Variants in CDK8 observed in about 807,000 individuals in gnomAD.
CDK8 encodes cyclin-dependent kinase 8.
In CDK8, 29 loss-of-function variants were observed where a neutral mutation model predicts 71.5. The ratio of observed to expected loss-of-function variants is 0.41; its 90% CI spans 0.30 to 0.55. CDK8 has a LOEUF of 0.55. CDK8 is among the 20% of genes least tolerant of loss of function. The pLI, the probability that CDK8 is intolerant of heterozygous loss-of-function variation, is 0.37. For synonymous variants in CDK8, 161 were observed against 192.1 expected, an observed-to-expected ratio of 0.84 and a Z score of 1.34; for missense variants, 288 against 572.6, an observed-to-expected ratio of 0.50 and a Z score of 5.07.
chr13:26,266,485 A>G (rs1031465101), intron 1 of CDK8, among the ~76,000 whole-genome samples: 3 of 152,202 alleles, frequency 2.0e-5, no homozygotes, highest in South Asian at 4.1e-4. Context: ...CTGGCTGTAC[A>G]GGGCAGCTTG....
rs115628047 is a variant in CDK8, at chr13:26,353,919, A to G, written c.456+39A>G. On this transcript the variant is annotated intron_variant, in intron 4 of 12. Coordinates refer to ENST00000381527, the MANE Select transcript of CDK8 (RefSeq NM_001260.3). Reference sequence around the variant, plus strand: ...TAATTGGTTTAAACTAGAAAGATGCATTACAGTTGGATACTTTTCTAGTCG... The same window carrying G: ...TAATTGGTTTAAACTAGAAAGATGCGTTACAGTTGGATACTTTTCTAGTCG... 1.4e-3 allele frequency: 2,242 copies of G among 1,577,752 alleles called. 20 individuals are homozygous for G. The African/African-American group carries it at 0.022, about 15-fold the overall frequency.
intron 9 of CDK8, among the ~76,000 whole-genome samples, chr13:26,398,930 C>T (rs1255805265): frequency 6.7e-6 from 1 of 149,608 alleles, no homozygotes; most frequent in Non-Finnish European, 1.5e-5. Context: ...TGCCACTGCA[C>T]TCTAGCCTGG....
chr13:26,390,183 G>A (rs1875682275), intron 6 of CDK8, among the ~76,000 whole-genome samples: 1 of 152,152 alleles, frequency 6.6e-6, no homozygotes, highest in African/African-American at 2.4e-5. Context: ...CCAGCATTTT[G>A]ACTTCCTTGT....
intron 9 of CDK8, 49 bp from the exon 10 acceptor site, chr13:26,400,404 A>G (rs1381351966): frequency 9.0e-7 from 1 of 1,108,532 alleles, no homozygotes; most frequent in Non-Finnish European, 1.4e-6. Flanking sequence ...GTGCTGAAAG[A>G]TAACTGTGAG....
chr13:26,357,316 G>A (rs1398788335), intron 4 of CDK8, among the ~76,000 whole-genome samples: 1 of 152,110 alleles, frequency 6.6e-6, no homozygotes, highest in East Asian at 1.9e-4. Flanking sequence ...TAAGAAATAT[G>A]GACCAGAAAA....
chr13:26,356,757 CAT>C (rs1438582135), intron 4 of CDK8, among the ~76,000 whole-genome samples: 1 of 152,176 alleles, frequency 6.6e-6, no homozygotes, highest in African/African-American at 2.4e-5. Context: ...AGCTGTATCA[CAT>C]AACTTTTTTA....
chr13:26,393,289 C>T (rs1875836477), intron 6 of CDK8, 78 bp from the exon 7 acceptor site: 1 of 920,046 alleles, frequency 1.1e-6, no homozygotes, highest in Non-Finnish European at 1.6e-6. Flanking sequence ...TTGGAAAGAA[C>T]CACTTTATTT....
Position 26,333,052 on chromosome 13 carries a change from G to A in CDK8, c.129-4515G>A, listed in dbSNP as rs187410162. Among the ~76,000 whole-genome samples the A allele has an allele frequency of 4.0e-3, 613 of 152,242 alleles. 1 individual carries two copies. The highest frequency in any genetic ancestry group is 0.014 in the African/African-American group (586 of 41,542). ...GTGCATAACACACCGTTGATTCTGC[G>A]TCCTCAAGGGAGAAAAGGTATTCTG... On this transcript the variant is annotated intron_variant, in intron 1 of 12. Coordinates refer to ENST00000381527, the MANE Select transcript of CDK8 (RefSeq NM_001260.3).
intron 1 of CDK8, among the ~76,000 whole-genome samples, chr13:26,256,770 G>GA (rs1871542824): frequency 1.3e-5 from 2 of 151,960 alleles, no homozygotes; most frequent in South Asian, 4.1e-4. Flanking sequence ...TTGCATTTTG[G>GA]AAAAAAGAAC....
chr13:26,369,235 A>T (rs1189976658), intron 4 of CDK8, among the ~76,000 whole-genome samples: 1 of 151,558 alleles, frequency 6.6e-6, no homozygotes, highest in Non-Finnish European at 1.5e-5. Flanking sequence ...GCTTGAGCCC[A>T]GGAGTTCAAG....
chr13:26,392,350 C>T (rs1002947615), intron 6 of CDK8, among the ~76,000 whole-genome samples: 15 of 109,992 alleles, frequency 1.4e-4, no homozygotes, highest in East Asian at 2.8e-4. Context: ...TTTTTTGAGA[C>T]GGAGTCTTGC....
chr13:26,372,371 TAAAACAGA>T (rs1003182700), intron 4 of CDK8, among the ~76,000 whole-genome samples: 1 of 152,108 alleles, frequency 6.6e-6, no homozygotes, highest in Non-Finnish European at 1.5e-5. Context: ...AAAGGCACAT[TAAAACAGA>T]AAAACTTTTT....
chr13:26,286,682 T>G (rs1873036586), intron 1 of CDK8, among the ~76,000 whole-genome samples: 1 of 152,198 alleles, frequency 6.6e-6, no homozygotes. Flanking sequence ...AAAAAGCTTC[T>G]GCACAGTAAA....
chr13:26,290,252 A>G (rs1873232621), intron 1 of CDK8, among the ~76,000 whole-genome samples: 1 of 152,262 alleles, frequency 6.6e-6, no homozygotes, highest in Non-Finnish European at 1.5e-5. Context: ...CTGATTTGCG[A>G]AAATCATGCT....
At chr13:26,321,996 G>A (rs1259059024) in intron 1 of CDK8, among the ~76,000 whole-genome samples, 2 of 152,050 alleles carry the variant, frequency 1.3e-5, no homozygotes, top group East Asian at 1.9e-4. Context: ...TAAATGCCTA[G>A]TATCTTGACA....
At chr13:26,366,041 T>TCAGG (rs1874373755) in intron 4 of CDK8, among the ~76,000 whole-genome samples, 1 of 152,134 alleles carries the variant, frequency 6.6e-6, no homozygotes, top group African/African-American at 2.4e-5. Flanking sequence ...TTAGAGTTAT[T>TCAGG]TTCCAGACTT....
intron 1 of CDK8, among the ~76,000 whole-genome samples, chr13:26,319,300 T>C (rs1459002370): frequency 6.6e-6 from 1 of 151,964 alleles, no homozygotes; most frequent in Non-Finnish European, 1.5e-5. Flanking sequence ...AAACCCTGTC[T>C]CTACTAAAAA....
At chr13:26,377,351 A>G (rs964655673) in intron 4 of CDK8, among the ~76,000 whole-genome samples, 6 of 152,128 alleles carry the variant, frequency 3.9e-5, no homozygotes, top group Non-Finnish European at 8.8e-5. Flanking sequence ...CTAGACTATG[A>G]CCTCTTAGAG....
At chr13:26,256,208 CTG>C (rs753859466) in intron 1 of CDK8, among the ~76,000 whole-genome samples, 6 of 152,184 alleles carry the variant, frequency 3.9e-5, no homozygotes, top group Non-Finnish European at 8.8e-5. Flanking sequence ...TCTGGTGACA[CTG>C]GAGAAATCAG....
Sources: allele counts gnomAD v4.1 joint callset (sites outside exome capture counted in the v4.1 genomes callset), GRCh38; gene constraint gnomAD v4.1.1; transcripts MANE v1.5; gene names NCBI Gene and HGNC (gene_info 2026-07-23, HGNC 2026-07-21).